Variants in GLMN observed in about 807,000 individuals in gnomAD.
GLMN encodes the protein glomulin, FKBP associated protein.
A neutral mutation model predicts 87.8 loss-of-function variants in GLMN; 75 were observed. The ratio of observed to expected loss-of-function variants is 0.85; its 90% CI spans 0.71 to 1.04. GLMN has a LOEUF of 1.04. Ranked by LOEUF, GLMN falls within the 50% of genes least tolerant of loss-of-function variation. The pLI is 0.00. For missense variants in GLMN, 588 were observed against 658.8 expected, an observed-to-expected ratio of 0.89 and a Z score of 1.18; for synonymous variants, 206 against 221.6, an observed-to-expected ratio of 0.93 and a Z score of 0.63.
At chr1:92,310,444 T>C in the GLMN span, among the ~76,000 whole-genome samples, 61 of 152,318 alleles carry the variant, frequency 4.0e-4, no homozygotes, top group African/African-American at 1.4e-3. Flanking sequence ...GGATACAATA[T>C]CCTGAGTCAG....
the GLMN span, among the ~76,000 whole-genome samples, chr1:92,305,503 T>C: frequency 7.2e-6 from 1 of 139,696 alleles, no homozygotes; most frequent in Non-Finnish European, 1.5e-5. Context: ...TAAAATAAGA[T>C]GGAAAATTAT....
At chr1:92,276,043 G>A (rs1647258309) in intron 7 of GLMN, among the ~76,000 whole-genome samples, 1 of 151,996 alleles carries the variant, frequency 6.6e-6, no homozygotes, top group African/African-American at 2.4e-5. Context: ...ACAACATAGT[G>A]AGACTTCACC....
chr1:92,334,983 A>G, the GLMN span, among the ~76,000 whole-genome samples: 1 of 152,196 alleles, frequency 6.6e-6, no homozygotes, highest in East Asian at 1.9e-4. Context: ...GTGAGACTCC[A>G]TCTCAAAAAA....
chr1:92,365,331 A>G, the GLMN span, among the ~76,000 whole-genome samples: 3 of 152,238 alleles, frequency 2.0e-5, no homozygotes, highest in Admixed American at 2.0e-4. Flanking sequence ...TCAGAACTTT[A>G]ACACAGCTTC....
At chr1:92,333,459 A>C in the GLMN span, 1 of 1,611,660 alleles carries the variant, frequency 6.2e-7, no homozygotes, top group Non-Finnish European at 8.5e-7. Context: ...TCGTACTTGA[A>C]AAGTTGAGTA....
the GLMN span, chr1:92,323,967 G>A: frequency 6.2e-7 from 1 of 1,614,054 alleles, no homozygotes; most frequent in African/African-American, 1.3e-5. Flanking sequence ...AAGTGTCTAG[G>A]TCAGTGTCTA....
intron 7 of GLMN, among the ~76,000 whole-genome samples, chr1:92,280,011 T>C (rs924576636): frequency 6.6e-5 from 10 of 152,232 alleles, no homozygotes; most frequent in African/African-American, 1.4e-4. Flanking sequence ...ACTGCCTCTA[T>C]AGATTCTACC....
At chr1:92,247,221 C>T (rs535875892) in intron 17 of GLMN, 77 bp from the exon 18 acceptor site, 4 of 790,142 alleles carry the variant, frequency 5.1e-6, no homozygotes, top group African/African-American at 1.7e-5. Context: ...CTTTCATTCA[C>T]TAACTTAAAA....
At chr1:92,296,148 G>A (rs1650022701) in intron 3 of GLMN, among the ~76,000 whole-genome samples, 1 of 152,110 alleles carries the variant, frequency 6.6e-6, no homozygotes, top group Non-Finnish European at 1.5e-5. Flanking sequence ...ATCCAATCAA[G>A]ATGCCCTGGA....
chr1:92,343,480 T>C, the GLMN span, among the ~76,000 whole-genome samples: 1 of 152,244 alleles, frequency 6.6e-6, no homozygotes, highest in Admixed American at 6.5e-5. Flanking sequence ...TCCTATCATC[T>C]AGGCTTTTTT....
At chr1:92,279,307 A>C (rs1647672965) in intron 7 of GLMN, among the ~76,000 whole-genome samples, 2 of 152,018 alleles carry the variant, frequency 1.3e-5, no homozygotes, top group Non-Finnish European at 2.9e-5. Context: ...AATACAAAAA[A>C]TTAGCCAGGT....
At chr1:92,341,661 T>C in the GLMN span, among the ~76,000 whole-genome samples, 796 of 152,332 alleles carry the variant, frequency 5.2e-3, 2 homozygotes, top group Non-Finnish European at 8.8e-3. Context: ...GAAATACTTT[T>C]TTGAGTTGTA....
the GLMN span, among the ~76,000 whole-genome samples, chr1:92,338,648 A>ATTTT: frequency 7.0e-6 from 1 of 142,690 alleles, no homozygotes. Context: ...CTGATCATTG[A>ATTTT]TTTTTTTTTT....
chr1:92,363,249 G>GACTT, the GLMN span, among the ~76,000 whole-genome samples: 1 of 152,184 alleles, frequency 6.6e-6, no homozygotes, highest in African/African-American at 2.4e-5. Flanking sequence ...GATAGAAACA[G>GACTT]ACTTAAGCAT....
intron 16 of GLMN, among the ~76,000 whole-genome samples, chr1:92,249,904 A>G (rs1343134739): frequency 6.6e-6 from 1 of 152,148 alleles, no homozygotes; most frequent in African/African-American, 2.4e-5. Flanking sequence ...TTTCAATGTA[A>G]TGACATGTAG....
chr1:92,366,304 T>TA, the GLMN span, among the ~76,000 whole-genome samples: 1 of 152,100 alleles, frequency 6.6e-6, no homozygotes, highest in African/African-American at 2.4e-5. Flanking sequence ...CCATGTCTCT[T>TA]AAAAAAAGTG....
In GLMN at chr1:92,246,486, G is replaced by C. The variant is rs770899402; in HGVS notation, c.*44C>G. 4 of 862,026 alleles carry C rather than the reference G, an allele frequency of 4.6e-6. No individual in the cohort carries two copies. In the East Asian group the frequency reaches 9.8e-5, roughly 21 times the overall value. The allele number at this position is 862,026 out of a possible 1,614,324, so 53.4% of individuals were successfully genotyped here. A position where few individuals can be genotyped will look rare whatever the true frequency, so the allele number is the denominator to read the frequency against. On this transcript the variant is annotated 3_prime_UTR_variant, in exon 19 of 19. Transcript: ENST00000370360. Reference sequence around the variant, plus strand: ...TAAAGGTATTAAATGAATCATAATGGAAAGTACTATATTTTATTAGTTTTT... The same window carrying C: ...TAAAGGTATTAAATGAATCATAATGCAAAGTACTATATTTTATTAGTTTTT...
At chr1:92,281,555 C>T (rs1444732747) in intron 7 of GLMN, among the ~76,000 whole-genome samples, 4 of 152,150 alleles carry the variant, frequency 2.6e-5, no homozygotes, top group African/African-American at 7.2e-5. Flanking sequence ...GAAGAAACTG[C>T]ATCAATTAAC....
the GLMN span, among the ~76,000 whole-genome samples, chr1:92,337,773 G>A: frequency 6.6e-6 from 1 of 152,034 alleles, no homozygotes; most frequent in African/African-American, 2.4e-5. Context: ...ATGATAGTTT[G>A]AGGGGACATT....
Sources: gnomAD v4.1 joint callset for allele counts (sites outside exome capture counted in the v4.1 genomes callset) on GRCh38, gnomAD v4.1.1 for gene constraint, MANE v1.5 for transcripts, NCBI Gene and HGNC (gene_info 2026-07-23, HGNC 2026-07-21) for gene names.